Variants in KANSL3 observed in about 807,000 individuals in gnomAD.
KANSL3 encodes KAT8 regulatory NSL complex subunit 3, also known as NSL complex protein NSL3.
In KANSL3, 16 loss-of-function variants were observed where a neutral mutation model predicts 89.2. That is an observed-to-expected ratio of 0.18 (90% CI 0.12 to 0.27). KANSL3 has a LOEUF of 0.27. KANSL3 is among the 10% of genes least tolerant of loss of function. The probability of loss-of-function intolerance (pLI) is 1.00; values close to 1 mark genes in which losing one functional copy is unlikely to be tolerated. For synonymous variants in KANSL3, 385 were observed against 419.7 expected, an observed-to-expected ratio of 0.92 and a Z score of 1.01; for missense variants, 879 against 1,110.6, an observed-to-expected ratio of 0.79 and a Z score of 2.96.
At chr2:96,629,978 C>A (rs1007224797) in intron 3 of KANSL3, among the ~76,000 whole-genome samples, 1 of 152,072 alleles carries the variant, frequency 6.6e-6, no homozygotes, top group Non-Finnish European at 1.5e-5. Context: ...CCACTTTACA[C>A]GCAGTAGAAT....
Position 96,637,178 on chromosome 2 carries a change from C to T in KANSL3, c.-43G>A. 1 of 1,300,966 alleles carries T rather than the reference C, an allele frequency of 7.7e-7. No individual in the cohort carries two copies. Among genetic ancestry groups the T allele is most frequent in the South Asian group, 1.3e-5 (1 of 76,700 alleles). 80.6% of individuals were successfully genotyped at this position (1,300,966 alleles called of 1,614,324 possible). ...AAGTCAGAGCATGGGTATCTGCATG[C>T]TAGTCACCTGCAGTGAAAAGTTTCA... On this transcript the variant is annotated 5_prime_UTR_variant, in exon 2 of 21. Coordinates refer to ENST00000431828, the MANE Select transcript of KANSL3 (RefSeq NM_001115016.3).
intron 3 of KANSL3, among the ~76,000 whole-genome samples, chr2:96,624,561 G>A (rs1452911349): frequency 1.3e-5 from 2 of 152,114 alleles, no homozygotes; most frequent in South Asian, 2.1e-4. Flanking sequence ...TTGCTCTGTC[G>A]TCCAGGCTGG....
intron 20 of KANSL3, among the ~76,000 whole-genome samples, chr2:96,598,471 T>C (rs1414672829): frequency 2.6e-5 from 4 of 152,222 alleles, no homozygotes; most frequent in African/African-American, 7.2e-5. Flanking sequence ...TCTTTCTTTT[T>C]TCATTTCGTT....
chr2:96,613,355 A>G, intron 6 of KANSL3, 133 bp downstream of exon 6: 2 of 737,646 alleles, frequency 2.7e-6, no homozygotes, highest in Non-Finnish European at 2.1e-6. Flanking sequence ...TGGGTAACAG[A>G]GCAAGATTCT....
intron 1 of KANSL3, 39 bp from the exon 2 acceptor site, chr2:96,637,224 C>G: frequency 2.6e-6 from 2 of 764,960 alleles, no homozygotes; most frequent in Admixed American, 2.7e-5. Context: ...ATTCCAATAT[C>G]CTAAATTTCT....
At position 96,594,260 on chromosome 2, in the gene KANSL3, T is replaced by A. The variant is rs1046271346; in HGVS notation, c.*1351A>T. 2.6e-5 allele frequency: 4 copies of A among 152,332 alleles called. No individual in the cohort carries two copies. In the East Asian group the frequency reaches 7.7e-4, roughly 29 times the overall value. 9.4% of individuals were successfully genotyped at this position (152,332 alleles called of 1,614,324 possible). A position where few individuals can be genotyped will look rare whatever the true frequency, so the allele number is the denominator to read the frequency against. On this transcript the variant is annotated 3_prime_UTR_variant, in exon 21 of 21. Transcript: ENST00000431828. The stretch of plus-strand genomic sequence containing the variant: ...CTGCCTACAGAAAAGGACACTTGAG[T>A]GGAGTCACACTTGGGTTGCCTAATT...
intron 14 of KANSL3, 121 bp downstream of exon 14, chr2:96,608,387 G>A: frequency 1.0e-6 from 1 of 967,910 alleles, no homozygotes; most frequent in Non-Finnish European, 1.5e-6. Flanking sequence ...ACAGAAATGT[G>A]AGAAAGGGCG....
At position 96,613,537 on chromosome 2, in the gene KANSL3, A is replaced by C; in HGVS notation, c.746T>G (p.Leu249Arg). The C allele has an allele frequency of 6.2e-7, 1 of 1,613,590 alleles. No homozygotes were observed. The highest frequency in any genetic ancestry group is 2.2e-5 in the East Asian group (1 of 44,868). Residue 249 changes from leucine to arginine, a missense_variant, in exon 6 of 21, where the codon CTG becomes CGG. Physicochemically the swap from Leu to Arg is moderately radical, Grantham distance 102. Transcript: ENST00000431828. ...CACAGCAGGGTCCCAGGGCCTCTTC[A>C]GTAGGAGAGACAAGGCCTCAGCTCC... ...AAGAEALSLL[L>R]KRPWDPAVGV...
chr2:96,595,454 ATGGTT>A lies in KANSL3; in HGVS notation c.*152_*156del. 1.5e-6 allele frequency: 1 copy of A among 652,196 alleles called. No individual in the cohort carries two copies. The highest frequency in any genetic ancestry group is 2.1e-5 in the South Asian group (1 of 47,558). The allele number at this position is 652,196 out of a possible 1,614,324, so 40.4% of individuals were successfully genotyped here. On this transcript the variant is annotated 3_prime_UTR_variant, in exon 21 of 21. Transcript: ENST00000431828. ...TGCTGGCACCGTATCACCTAACCTA[ATGGTT>A]TCTCTGAAGACAGTTGGCGGAGAGG...
intron 2 of KANSL3, among the ~76,000 whole-genome samples, chr2:96,635,183 G>A (rs1333342133): frequency 6.6e-6 from 1 of 152,166 alleles, no homozygotes; most frequent in African/African-American, 2.4e-5. Flanking sequence ...TCTTTTTAAA[G>A]TATAAATTGA....
At chr2:96,601,155 T>C (rs143062384) in intron 20 of KANSL3, 71 of 315,944 alleles carry the variant, frequency 2.2e-4, no homozygotes, top group African/African-American at 1.4e-3. Flanking sequence ...GTAATCCCAG[T>C]TACTTGGGAG....
At chr2:96,629,915 A>G (rs2073087822) in intron 3 of KANSL3, among the ~76,000 whole-genome samples, 1 of 152,252 alleles carries the variant, frequency 6.6e-6, no homozygotes, top group East Asian at 1.9e-4. Flanking sequence ...AGATATATGG[A>G]TACACAGACA....
intron 14 of KANSL3, among the ~76,000 whole-genome samples, chr2:96,607,448 T>C (rs1302868279): frequency 1.3e-5 from 2 of 152,170 alleles, no homozygotes; most frequent in Non-Finnish European, 2.9e-5. Context: ...CCAAACTCCT[T>C]AGATTCTCAA....
intron 5 of KANSL3, among the ~76,000 whole-genome samples, chr2:96,616,005 G>A (rs766252625): frequency 2.6e-5 from 4 of 152,188 alleles, no homozygotes; most frequent in African/African-American, 4.8e-5. Flanking sequence ...AAATGAGACA[G>A]GCTCTTTGGA....
chr2:96,621,291 G>A (rs1226181154), intron 3 of KANSL3, among the ~76,000 whole-genome samples: 1 of 152,154 alleles, frequency 6.6e-6, no homozygotes, highest in African/African-American at 2.4e-5. Flanking sequence ...CAAGGTGGGT[G>A]GATCACGAGA....
the KANSL3 span, among the ~76,000 whole-genome samples, chr2:96,582,469 T>C: frequency 1.3e-5 from 2 of 152,208 alleles, no homozygotes; most frequent in Admixed American, 1.3e-4. Flanking sequence ...TCCACTGAAT[T>C]TTCTATTTCA....
At position 96,619,419 on chromosome 2, in the gene KANSL3, C is replaced by G. The variant is rs202105469; in HGVS notation, c.603G>C (p.Glu201Asp). Residue 201 changes from glutamate (E) to aspartate (D), a missense_variant, in exon 5 of 21, where the codon GAG (glutamate) becomes GAC (aspartate). Coordinates refer to ENST00000431828, the MANE Select transcript of KANSL3 (RefSeq NM_001115016.3). ...CTGCCAGCATGGGCAGACTCAAGGTCTCCACAAGGGTGGTGTGCAGCCACT... is the reference window on the plus strand; with the variant it reads ...CTGCCAGCATGGGCAGACTCAAGGTGTCCACAAGGGTGGTGTGCAGCCACT... ...LIQWLHTTLV[E>D]TLSLPMLAAY... 22 of 1,613,854 alleles carry G rather than the reference C, an allele frequency of 1.4e-5. 1 individual carries two copies. The Admixed American group carries it at 1.8e-4, about 13-fold the overall frequency.
intron 20 of KANSL3, chr2:96,600,815 A>G (rs2067069707): frequency 1.0e-6 from 1 of 985,332 alleles, no homozygotes; most frequent in South Asian, 4.7e-5. Flanking sequence ...ATAAAAACCT[A>G]GCTGTGCCCT....
chr2:96,606,680 C>A (rs993688723), intron 14 of KANSL3: 4 of 236,282 alleles, frequency 1.7e-5, no homozygotes, highest in African/African-American at 9.5e-5. Context: ...GAGACTCAGG[C>A]AATGCCACAG....
Sources: allele counts gnomAD v4.1 joint callset (sites outside exome capture counted in the v4.1 genomes callset), GRCh38; gene constraint gnomAD v4.1.1; transcripts MANE v1.5; gene names NCBI Gene and HGNC (gene_info 2026-07-23, HGNC 2026-07-21).